RCAN2: variants seen among roughly 807,000 people sequenced by gnomAD.
RCAN2 encodes the protein calcipressin-2.
Under a neutral mutation model 23.6 loss-of-function variants are expected in RCAN2, and 9 were observed. The observed-to-expected ratio is 0.38, with a 90% CI of 0.23 to 0.67. The LOEUF (loss-of-function observed/expected upper bound fraction) is 0.67. Ranked by LOEUF, RCAN2 falls within the 30% of genes least tolerant of loss-of-function variation. The pLI is 0.51. For synonymous variants in RCAN2, 109 were observed against 115.7 expected (o/e 0.94, Z 0.37); for missense variants, 273 against 302.3 (o/e 0.90, Z 0.72).
intron 2 of RCAN2, among the ~76,000 whole-genome samples, chr6:46,379,557 T>C (rs1214060826): frequency 6.6e-6 from 1 of 152,222 alleles, no homozygotes; most frequent in African/African-American, 2.4e-5. Context: ...TGTTTCCTGA[T>C]GAATATGCTT....
chr6:46,316,794 T>C (rs1212840132), intron 2 of RCAN2, among the ~76,000 whole-genome samples: 1 of 152,196 alleles, frequency 6.6e-6, no homozygotes, highest in Non-Finnish European at 1.5e-5. Context: ...GGCTGAGATT[T>C]TCTTAGTCAA....
rs1341029 is a variant in RCAN2, at chr6:46,408,211, C to T, written c.225+48541G>A. Among the ~76,000 whole-genome samples the T allele has an allele frequency of 6.3e-3, 960 of 152,284 alleles. 12 individuals carry two copies. Among genetic ancestry groups the T allele is most frequent in the African/African-American group, 0.022 (932 of 41,546 alleles). ...AATGCTCCTATTACTTCCCTGCGGG[C>T]GGCTCCGACTGTTCAGCTCTACATA... On this transcript the variant is annotated intron_variant, in intron 2 of 4. Coordinates refer to ENST00000371374, the MANE Select transcript of RCAN2 (RefSeq NM_001251974.2).
chr6:46,325,301 A>G (rs1763755533), intron 2 of RCAN2: 2 of 1,424,850 alleles, frequency 1.4e-6, no homozygotes, highest in African/African-American at 2.8e-5. Context: ...GCTGAAAACT[A>G]TTAACCAAAG....
At chr6:46,413,591 C>G (rs190425747) in intron 2 of RCAN2, among the ~76,000 whole-genome samples, 1 of 152,086 alleles carries the variant, frequency 6.6e-6, no homozygotes, top group African/African-American at 2.4e-5. Flanking sequence ...TAAGCCTGTA[C>G]GAGTATATGA....
At chr6:46,491,945 G>C (rs1320764990), upstream of RCAN2, 1 of 152,344 alleles carries the variant, frequency 6.6e-6, no homozygotes, top group Non-Finnish European at 1.5e-5. Flanking sequence ...CCGGGCTTCT[G>C]CGCTTGGTGG....
intron 1 of RCAN2, among the ~76,000 whole-genome samples, chr6:46,470,856 A>C (rs747919812): frequency 6.6e-6 from 1 of 152,206 alleles, no homozygotes; most frequent in Non-Finnish European, 1.5e-5. Flanking sequence ...CAAGGATGAA[A>C]TCTGTCTTCA....
At chr6:46,285,743 G>T (rs1762355411) in intron 2 of RCAN2, among the ~76,000 whole-genome samples, 1 of 151,910 alleles carries the variant, frequency 6.6e-6, no homozygotes, top group Admixed American at 6.6e-5. Flanking sequence ...TTTTATTCTT[G>T]TCTAATGTTA....
chr6:46,260,272 C>CA (rs1017720015), intron 2 of RCAN2, among the ~76,000 whole-genome samples: 3 of 151,958 alleles, frequency 2.0e-5, no homozygotes, highest in African/African-American at 7.3e-5. Flanking sequence ...GGGAGGAAGA[C>CA]AAAAAATATA....
intron 1 of RCAN2, among the ~76,000 whole-genome samples, chr6:46,468,233 A>G (rs1333948424): frequency 6.6e-6 from 1 of 152,234 alleles, no homozygotes; most frequent in African/African-American, 2.4e-5. Flanking sequence ...CATTGGTGTT[A>G]GGCCCAGAGT....
intron 2 of RCAN2, among the ~76,000 whole-genome samples, chr6:46,427,441 A>ACCC: frequency 6.6e-6 from 1 of 152,336 alleles, no homozygotes; most frequent in East Asian, 1.9e-4. Context: ...CATAGTTATT[A>ACCC]AAGTTAAATA....
chr6:46,385,178 C>A (rs1388221446), intron 2 of RCAN2, among the ~76,000 whole-genome samples: 1 of 152,094 alleles, frequency 6.6e-6, no homozygotes, highest in African/African-American at 2.4e-5. Flanking sequence ...TGCTTCAAAC[C>A]ATTTTAAAGT....
rs544143184 is a variant in RCAN2 at position 46,404,815 on chromosome 6, C to G, written c.225+51937G>C. Among the ~76,000 whole-genome samples, 3 of 152,230 alleles carry G rather than the reference C, an allele frequency of 2.0e-5. No individual in the cohort carries two copies. The East Asian group carries it at 5.8e-4, about 29-fold the overall frequency. ...TTAACACATTGCTACATCAGTTTCCCCATGGAAATCTATAGGAAAAGCAAA... is the reference window on the plus strand; with the variant it reads ...TTAACACATTGCTACATCAGTTTCCGCATGGAAATCTATAGGAAAAGCAAA... On this transcript the variant is annotated intron_variant, in intron 2 of 4. Transcript: ENST00000371374.
chr6:46,455,729 G>A (rs1198412790), intron 2 of RCAN2, among the ~76,000 whole-genome samples: 4 of 151,688 alleles, frequency 2.6e-5, no homozygotes, highest in Non-Finnish European at 5.9e-5. Flanking sequence ...GGTGATGGGC[G>A]CCTGTAGTCC....
At chr6:46,243,486 T>C (rs894833946) in intron 4 of RCAN2, among the ~76,000 whole-genome samples, 2 of 152,106 alleles carry the variant, frequency 1.3e-5, no homozygotes, top group Non-Finnish European at 2.9e-5. Flanking sequence ...TAGGTTAGGC[T>C]TTCTGGAAGT....
chr6:46,459,961 A>G (rs917543435), intron 1 of RCAN2, among the ~76,000 whole-genome samples: 1 of 152,152 alleles, frequency 6.6e-6, no homozygotes, highest in African/African-American at 2.4e-5. Flanking sequence ...AAATAAACAG[A>G]AGGAAATTCT....
At chr6:46,385,813 T>A (rs1392695625) in intron 2 of RCAN2, among the ~76,000 whole-genome samples, 1 of 128,414 alleles carries the variant, frequency 7.8e-6, no homozygotes, top group Non-Finnish European at 1.5e-5. Context: ...GCCAAGATCA[T>A]GCCATTGCAC....
chr6:46,268,987 G>T (rs1251858822), intron 2 of RCAN2, among the ~76,000 whole-genome samples: 1 of 152,170 alleles, frequency 6.6e-6, no homozygotes, highest in Non-Finnish European at 1.5e-5. Flanking sequence ...ATACAGTCAA[G>T]AAATATTACC....
intron 1 of RCAN2, among the ~76,000 whole-genome samples, chr6:46,481,296 T>G (rs16874663): frequency 0.13 from 20,290 of 152,224 alleles, 1,981 homozygotes; most frequent in African/African-American, 0.24. Context: ...AATGAATTAA[T>G]GAAATATATG....
chr6:46,321,981 A>G (rs543562972), intron 2 of RCAN2, among the ~76,000 whole-genome samples: 1 of 152,264 alleles, frequency 6.6e-6, no homozygotes, highest in Admixed American at 6.5e-5. Context: ...TTATATGATT[A>G]CCTATGCCTG....
Sources: allele counts gnomAD v4.1 joint callset (sites outside exome capture counted in the v4.1 genomes callset), GRCh38; gene constraint gnomAD v4.1.1; transcripts MANE v1.5; gene names NCBI Gene and HGNC (gene_info 2026-07-23, HGNC 2026-07-21).